The following NOP9 variants were observed in gnomAD, a reference collection of about 807,000 sequenced individuals.
NOP9 encodes the protein nucleolar protein 9.
Under a neutral mutation model 63.0 loss-of-function variants are expected in NOP9, and 50 were observed. The ratio of observed to expected loss-of-function variants is 0.79; its 90% CI spans 0.63 to 1.00. The LOEUF (loss-of-function observed/expected upper bound fraction) is 1.00, where lower values mean the gene tolerates loss of function less well. Among genes scored for constraint, NOP9 ranks in the 50% least tolerant of loss-of-function variants. The probability of loss-of-function intolerance (pLI) is 0.00; values close to 1 mark genes in which losing one functional copy is unlikely to be tolerated. For synonymous variants in NOP9, 343 were observed against 332.8 expected (o/e 1.03, Z -0.33); for missense variants, 758 against 803.0 (o/e 0.94, Z 0.68).
the NOP9 span, chr14:24,292,768 A>T: frequency 1.9e-6 from 3 of 1,612,436 alleles, no homozygotes; most frequent in East Asian, 6.7e-5. Context: ...CCATACACTG[A>T]GCAAAAGTAG....
chr14:24,306,006 G>C lies in NOP9; in HGVS notation c.*911G>C. The C allele has an allele frequency of 6.2e-7, 1 of 1,614,198 alleles. No individual in the cohort carries two copies. The highest frequency in any genetic ancestry group is 1.1e-5 in the South Asian group (1 of 91,078). On this transcript the variant is annotated 3_prime_UTR_variant, in exon 10 of 10. Coordinates refer to ENST00000267425, the MANE Select transcript of NOP9 (RefSeq NM_174913.3). ...CACAACTCATAGAGTAGAGCCCGTA[G>C]AATGTGGCTTTGACATTCAGGCTGC...
upstream of NOP9, chr14:24,299,040 T>A: frequency 1.2e-6 from 2 of 1,614,132 alleles, no homozygotes; most frequent in Non-Finnish European, 1.7e-6. Context: ...TGCAAGGCAA[T>A]GCCACGGCCA....
At chr14:24,284,428 A>G in the NOP9 span, among the ~76,000 whole-genome samples, 2 of 152,208 alleles carry the variant, frequency 1.3e-5, no homozygotes, top group African/African-American at 4.8e-5. Flanking sequence ...AGAGGGGATT[A>G]GAGCACAGGG....
rs577617515 is a variant in NOP9, at chr14:24,300,439, A to G, written c.279A>G (p.Val93=). 517 of 1,613,866 alleles carry G rather than the reference A, an allele frequency of 3.2e-4. 9 individuals carry two copies. The South Asian group carries it at 5.5e-3, about 17-fold the overall frequency. ...DLMVHNIMKE[V]ETQALALSTN... is the part of the protein sequence containing the mutation. ...TGGTGCACAATATAATGAAGGAAGT[A>G]GAGACTCAGGCCCTAGCTTTGTCCA... is the stretch of plus-strand genomic sequence containing the variant. Residue 93 remains valine (V), a synonymous_variant, in exon 2 of 10, where the codon GTA becomes GTG. Coordinates refer to ENST00000267425, the MANE Select transcript of NOP9 (RefSeq NM_174913.3).
chr14:24,300,300 C>T (rs2041346581), intron 1 of NOP9, 99 bp downstream of exon 1: 1 of 1,563,742 alleles, frequency 6.4e-7, no homozygotes, highest in Non-Finnish European at 8.7e-7. Flanking sequence ...AGTTTCATTT[C>T]CCATGTCCTC....
At chr14:24,299,302 GCTGA>G, upstream of NOP9, 1 of 591,332 alleles carries the variant, frequency 1.7e-6, no homozygotes, top group South Asian at 2.3e-5. Context: ...TGAGGACAAG[GCTGA>G]CTGTCTTTTG....
At position 24,308,041 on chromosome 14, in the gene NOP9, G is replaced by C; in HGVS notation, c.*2946G>C. ...AAGAAGGGCAAAGTCCAAGGGGAGGGATGAGGGAGGGGCCAGATGGGGTCC... is the reference window on the plus strand; with the variant it reads ...AAGAAGGGCAAAGTCCAAGGGGAGGCATGAGGGAGGGGCCAGATGGGGTCC... On this transcript the variant is annotated 3_prime_UTR_variant, in exon 10 of 10. Transcript: ENST00000267425. 3.2e-6 allele frequency: 2 copies of C among 631,440 alleles called. No individual in the cohort carries two copies. Among genetic ancestry groups the C allele is most frequent in the Non-Finnish European group, 5.8e-6 (2 of 347,432 alleles). The allele number at this position is 631,440 out of a possible 1,614,324, so 39.1% of individuals were successfully genotyped here.
chr14:24,290,759 G>T, the NOP9 span: 2 of 1,481,740 alleles, frequency 1.3e-6, no homozygotes, highest in South Asian at 2.4e-5. Context: ...TCATATCAAG[G>T]GTATGGGTAA....
At position 24,307,428 on chromosome 14, in the gene NOP9, G is replaced by C. The variant is rs1481625414; in HGVS notation, c.*2333G>C. 6.2e-7 allele frequency: 1 copy of C among 1,614,046 alleles called. No homozygotes were observed. The highest frequency in any genetic ancestry group is 8.5e-7 in the Non-Finnish European group (1 of 1,180,026). Reference sequence around the variant, plus strand: ...TCAGGCCTTTCCGGATGGTCCGCTTGTGATCACAGACACGGAAAGGTCGCT... The same window carrying C: ...TCAGGCCTTTCCGGATGGTCCGCTTCTGATCACAGACACGGAAAGGTCGCT... On this transcript the variant is annotated 3_prime_UTR_variant, in exon 10 of 10. Transcript: ENST00000267425.
chr14:24,303,916 A>G, intron 7 of NOP9, 59 bp downstream of exon 7: 1 of 1,603,742 alleles, frequency 6.2e-7, no homozygotes, highest in South Asian at 1.1e-5. Flanking sequence ...CCCAGGGTTT[A>G]GCAAGCGTCT....
chr14:24,299,218 G>T, upstream of NOP9: 1 of 1,271,518 alleles, frequency 7.9e-7, no homozygotes, highest in Non-Finnish European at 1.1e-6. Context: ...AACCTCACTA[G>T]GGCTAAGAGG....
chr14:24,300,078 CCTCCGGATGGGCGCTCGGAGCCGG>C lies in NOP9; in HGVS notation c.129_152del (p.Gly45_Asp52del). ...AGGCCGTAAGCGGCAACCCTGGCCGCCTCCGGATGGGCGCTCGGAGCCGGCTCCAGATTCGCACCCGCACCTGAG... is the reference window on the plus strand; with the variant it reads ...AGGCCGTAAGCGGCAACCCTGGCCGCCTCCAGATTCGCACCCGCACCTGAG... On this transcript the variant is annotated inframe_deletion, in exon 1 of 10. Transcript: ENST00000267425. The C allele has an allele frequency of 6.2e-7, 1 of 1,612,960 alleles. No homozygotes were observed. The highest frequency in any genetic ancestry group is 8.5e-7 in the Non-Finnish European group (1 of 1,179,810).
chr14:24,294,302 G>A, the NOP9 span: 2 of 152,016 alleles, frequency 1.3e-5, no homozygotes, highest in Admixed American at 6.5e-5. Context: ...AAAGAGCAGG[G>A]CGAGGCTGAG....
At position 24,301,990 on chromosome 14, in the gene NOP9, C is replaced by T; in HGVS notation, c.834C>T (p.Ser278=). The T allele has an allele frequency of 6.2e-7, 1 of 1,613,958 alleles. No homozygotes were observed. Among genetic ancestry groups the T allele is most frequent in the Non-Finnish European group, 8.5e-7 (1 of 1,179,952 alleles). ...TGTTTATCACTGATAAGATCTCCAGCTTCTGTCTTCAAGTGGCTTTACAGG... is the reference window on the plus strand; with the variant it reads ...TGTTTATCACTGATAAGATCTCCAGTTTCTGTCTTCAAGTGGCTTTACAGG... ...IAVFITDKIS[S]FCLQVALQVL... is the part of the protein sequence containing the mutation. The change falls in exon 4 of 10, where the codon AGC becomes AGT. Residue 278 remains serine, a synonymous_variant. Transcript: ENST00000267425.
At chr14:24,283,022 A>G in the NOP9 span, among the ~76,000 whole-genome samples, 1 of 152,342 alleles carries the variant, frequency 6.6e-6, no homozygotes, top group East Asian at 1.9e-4. Context: ...CTCTCAGCAC[A>G]TGACAACTCT....
chr14:24,284,770 G>T, the NOP9 span, among the ~76,000 whole-genome samples: 1 of 152,278 alleles, frequency 6.6e-6, no homozygotes, highest in African/African-American at 2.4e-5. Flanking sequence ...GTCGTGGGTG[G>T]GTAGGAGCCA....
chr14:24,304,296 G>T lies in NOP9; in HGVS notation c.1647+19G>T, dbSNP rs1480366397. 1 of 1,595,230 alleles carries T rather than the reference G, an allele frequency of 6.3e-7. No homozygotes were observed. Among genetic ancestry groups the T allele is most frequent in the Admixed American group, 1.7e-5 (1 of 59,980 alleles). On this transcript the variant is annotated intron_variant, in intron 8 of 9. Coordinates refer to ENST00000267425, the MANE Select transcript of NOP9 (RefSeq NM_174913.3). ...CCTAAAGGTTAGATTTCTGGCTTTT[G>T]CCTTGATTCCCCACCATCATCCATT...
Position 24,308,039 on chromosome 14 carries a change from G to T in NOP9, c.*2944G>T. 1.6e-6 allele frequency: 1 copy of T among 636,340 alleles called. No individual in the cohort carries two copies. The highest frequency in any genetic ancestry group is 2.8e-5 in the East Asian group (1 of 36,132). The allele number at this position is 636,340 out of a possible 1,614,324, so 39.4% of individuals were successfully genotyped here. On this transcript the variant is annotated 3_prime_UTR_variant, in exon 10 of 10. Coordinates refer to ENST00000267425, the MANE Select transcript of NOP9 (RefSeq NM_174913.3). ...GTAAGAAGGGCAAAGTCCAAGGGGAGGGATGAGGGAGGGGCCAGATGGGGT... is the reference window on the plus strand; with the variant it reads ...GTAAGAAGGGCAAAGTCCAAGGGGATGGATGAGGGAGGGGCCAGATGGGGT...
Position 24,299,853 on chromosome 14 carries a change from C to T in NOP9, c.-102C>T. The T allele has an allele frequency of 2.1e-6, 3 of 1,398,778 alleles. No individual in the cohort carries two copies. Among genetic ancestry groups the T allele is most frequent in the Non-Finnish European group, 1.9e-6 (2 of 1,062,950 alleles). 86.6% of individuals were successfully genotyped at this position (1,398,778 alleles called of 1,614,324 possible). A position where few individuals can be genotyped will look rare whatever the true frequency, so the allele number is the denominator to read the frequency against. ...GTAGTAGCTGCGTCAGGAGCGCGCC[C>T]GCGTTTCTAAACTTTGTCTGGATAA... On this transcript the variant is annotated 5_prime_UTR_variant, in exon 1 of 10. Transcript: ENST00000267425.
Sources: allele counts gnomAD v4.1 joint callset (sites outside exome capture counted in the v4.1 genomes callset), GRCh38; gene constraint gnomAD v4.1.1; transcripts MANE v1.5; gene names NCBI Gene and HGNC (gene_info 2026-07-23, HGNC 2026-07-21).